The following CHN1 variants were observed in gnomAD, a reference collection of about 807,000 sequenced individuals.
The protein encoded by CHN1 is N-chimaerin.
In CHN1, 37 loss-of-function variants were observed where a neutral mutation model predicts 59.5. The observed-to-expected ratio is 0.62, with a 90% CI of 0.48 to 0.82. CHN1 has a LOEUF of 0.82. CHN1 is among the 40% of genes least tolerant of loss of function. CHN1 has a pLI of 0.00. For synonymous variants in CHN1, 206 were observed against 200.4 expected (o/e 1.03, Z -0.24); for missense variants, 469 against 571.0 (o/e 0.82, Z 1.82).
intron 5 of CHN1, among the ~76,000 whole-genome samples, chr2:174,904,976 G>A (rs1057350746): frequency 6.6e-6 from 1 of 152,022 alleles, no homozygotes; most frequent in African/African-American, 2.4e-5. Flanking sequence ...TTACCTTAAC[G>A]TACCACACAT....
chr2:174,916,945 A>C (rs572501948), intron 4 of CHN1, among the ~76,000 whole-genome samples: 90 of 152,354 alleles, frequency 5.9e-4, no homozygotes, highest in Non-Finnish European at 4.9e-4. Flanking sequence ...TAATGCCAGC[A>C]CTTTGGAAAG....
intron 2 of CHN1, among the ~76,000 whole-genome samples, chr2:174,949,013 GCCTACTA>G (rs1689935883): frequency 1.3e-5 from 2 of 152,102 alleles, no homozygotes; most frequent in Admixed American, 1.3e-4. Flanking sequence ...ACTGAACAAT[GCCTACTA>G]CCTCAGTTAT....
At chr2:174,904,669 T>C (rs1558975347) in intron 5 of CHN1, among the ~76,000 whole-genome samples, 1 of 152,234 alleles carries the variant, frequency 6.6e-6, no homozygotes. Context: ...ATTACAGGCA[T>C]GAGCCACCGT....
intron 5 of CHN1, among the ~76,000 whole-genome samples, chr2:174,898,235 G>A (rs1439158169): frequency 1.3e-5 from 2 of 152,166 alleles, no homozygotes; most frequent in African/African-American, 4.8e-5. Flanking sequence ...CTTGTGGAGA[G>A]CCACACCAGC....
intron 3 of CHN1, among the ~76,000 whole-genome samples, chr2:174,931,946 C>T (rs1345745299): frequency 1.3e-5 from 2 of 152,110 alleles, no homozygotes; most frequent in Admixed American, 1.3e-4. Flanking sequence ...GGCAAGGAAG[C>T]AGTAAGAGAT....
chr2:174,856,928 A>G (rs1326198442), intron 6 of CHN1, among the ~76,000 whole-genome samples: 1 of 152,152 alleles, frequency 6.6e-6, no homozygotes, highest in Non-Finnish European at 1.5e-5. Flanking sequence ...CTGGTACCCA[A>G]TCAAGTAGGC....
chr2:174,835,830 CTT>C (rs2105418274), intron 7 of CHN1, among the ~76,000 whole-genome samples: 1 of 151,924 alleles, frequency 6.6e-6, no homozygotes, highest in Admixed American at 6.6e-5. Flanking sequence ...CTTGAAGAGT[CTT>C]AACCAATGCT....
At chr2:174,869,218 A>G (rs1687325158) in intron 6 of CHN1, among the ~76,000 whole-genome samples, 1 of 152,184 alleles carries the variant, frequency 6.6e-6, no homozygotes, top group South Asian at 2.1e-4. Context: ...AGACTCCCTA[A>G]TGATACGACT....
intron 11 of CHN1, among the ~76,000 whole-genome samples, chr2:174,807,108 T>G (rs941390346): frequency 1.3e-5 from 2 of 152,132 alleles, no homozygotes; most frequent in African/African-American, 4.8e-5. Flanking sequence ...TCCATAACGA[T>G]GACAAATGAT....
At chr2:174,876,822 C>T (rs1333573469) in intron 6 of CHN1, among the ~76,000 whole-genome samples, 2 of 152,122 alleles carry the variant, frequency 1.3e-5, no homozygotes, top group African/African-American at 4.8e-5. Flanking sequence ...GTGCCAAGTG[C>T]TGATGGAGCA....
chr2:174,973,850 T>C (rs116688680), intron 1 of CHN1, among the ~76,000 whole-genome samples: 1,700 of 152,336 alleles, frequency 0.011, 25 homozygotes, highest in African/African-American at 0.038. Context: ...AAAAACCTTT[T>C]ACCTTTATTC....
chr2:174,841,552 C>CTT (rs1686302683), intron 7 of CHN1, among the ~76,000 whole-genome samples: 1 of 152,084 alleles, frequency 6.6e-6, no homozygotes, highest in Non-Finnish European at 1.5e-5. Context: ...TACTGATCTG[C>CTT]GCTATTTTTG....
intron 5 of CHN1, among the ~76,000 whole-genome samples, chr2:174,898,559 G>C (rs1558972754): frequency 6.6e-6 from 1 of 152,018 alleles, no homozygotes; most frequent in Admixed American, 6.6e-5. Flanking sequence ...ACCCAAGATC[G>C]CGCCACTGCA....
At chr2:174,952,981 G>T (rs1690071734) in intron 1 of CHN1, among the ~76,000 whole-genome samples, 1 of 152,200 alleles carries the variant, frequency 6.6e-6, no homozygotes. Flanking sequence ...CTTCTCATCA[G>T]TAAAGCATAG....
At chr2:174,986,057 T>C (rs1383570988) in intron 1 of CHN1, among the ~76,000 whole-genome samples, 1 of 152,154 alleles carries the variant, frequency 6.6e-6, no homozygotes, top group African/African-American at 2.4e-5. Flanking sequence ...TAAACTGCAA[T>C]TGTGGATTTG....
intron 5 of CHN1, among the ~76,000 whole-genome samples, chr2:174,898,987 G>A (rs1688303922): frequency 6.6e-6 from 1 of 152,120 alleles, no homozygotes; most frequent in Non-Finnish European, 1.5e-5. Flanking sequence ...TGGAGATTGG[G>A]CTTGCTTAGA....
intron 5 of CHN1, among the ~76,000 whole-genome samples, chr2:174,885,110 A>G (rs951177413): frequency 6.6e-6 from 1 of 150,774 alleles, no homozygotes; most frequent in African/African-American, 2.4e-5. Context: ...ACATGGTGAA[A>G]CCCCATCTCT....
At chr2:174,830,165 G>A (rs558631758) in intron 7 of CHN1, among the ~76,000 whole-genome samples, 10 of 152,028 alleles carry the variant, frequency 6.6e-5, no homozygotes, top group African/African-American at 1.4e-4. Context: ...CCCAGGAGGC[G>A]GAGCTTGCAG....
At chr2:174,894,162 C>G (rs887540284) in intron 5 of CHN1, among the ~76,000 whole-genome samples, 1 of 152,000 alleles carries the variant, frequency 6.6e-6, no homozygotes, top group African/African-American at 2.4e-5. Context: ...CAACAATCAA[C>G]AGAGTGAAAA....
Sources: gnomAD v4.1 joint callset for allele counts (sites outside exome capture counted in the v4.1 genomes callset) on GRCh38, gnomAD v4.1.1 for gene constraint, MANE v1.5 for transcripts, NCBI Gene and HGNC (gene_info 2026-07-23, HGNC 2026-07-21) for gene names.